Variants in ELF2 observed in about 807,000 individuals in gnomAD.
ELF2 encodes the protein E74 like ETS transcription factor 2.
ELF2 carries 11 observed loss-of-function variants against 54.8 expected under a neutral mutation model. That is an observed-to-expected ratio of 0.20 (90% CI 0.13 to 0.33). The LOEUF is 0.33. ELF2 is among the 10% of genes least tolerant of loss of function. The pLI is 1.00. For synonymous variants in ELF2, 203 were observed against 245.1 expected (o/e 0.83, Z 1.61); for missense variants, 513 against 703.0 (o/e 0.73, Z 3.06).
Position 139,068,881 on chromosome 4 carries a change from C to CTTTT in ELF2, c.527-1115_527-1112dup, listed in dbSNP as rs531534019. On this transcript the variant is annotated intron_variant, in intron 6 of 9. Transcript: ENST00000686138. Reference sequence around the variant, plus strand: ...ATATACACACACATAAATACATACACTTTTTTTTTTTTTAAGAGATGGAGT... The same window carrying CTTTT: ...ATATACACACACATAAATACATACACTTTTTTTTTTTTTTTTTAAGAGATGGAGT... 2.1e-5 allele frequency among the ~76,000 whole-genome samples: 3 copies of CTTTT among 145,780 alleles called. No individual in the cohort carries two copies. In the Admixed American group the frequency reaches 2.1e-4, roughly 10 times the overall value.
chr4:139,067,576 AG>A, intron 7 of ELF2, 107 bp downstream of exon 7: 1 of 1,114,090 alleles, frequency 9.0e-7, no homozygotes, highest in Non-Finnish European at 1.3e-6. Flanking sequence ...TACCAGCGAC[AG>A]TATTCTCATA....
intron 1 of ELF2, among the ~76,000 whole-genome samples, chr4:139,160,034 A>T (rs2148898884): frequency 6.6e-6 from 1 of 152,290 alleles, no homozygotes; most frequent in Non-Finnish European, 1.5e-5. Flanking sequence ...TAGATGTGGA[A>T]GATACTATAG....
chr4:139,143,852 C>T lies in ELF2; in HGVS notation c.-251-4355G>A, dbSNP rs958854198. On this transcript the variant is annotated intron_variant, in intron 1 of 9. Transcript: ENST00000686138. The stretch of plus-strand genomic sequence containing the variant: ...ATATATGAAAAAATGTGGAAAGTGA[C>T]CACACATGCCCAGGCTCAGAAAAGA... Among the ~76,000 whole-genome samples the T allele has an allele frequency of 1.2e-4, 19 of 152,092 alleles. 1 individual carries two copies. In the South Asian group the frequency reaches 1.7e-3, roughly 13 times the overall value.
intron 1 of ELF2, among the ~76,000 whole-genome samples, chr4:139,161,371 G>C (rs1452806816): frequency 6.6e-6 from 1 of 152,098 alleles, no homozygotes; most frequent in Non-Finnish European, 1.5e-5. Flanking sequence ...AGGGTGTCAT[G>C]ATTGACACAG....
At chr4:139,072,130 T>A in intron 5 of ELF2, 91 bp from the exon 6 acceptor site, 1 of 1,281,500 alleles carries the variant, frequency 7.8e-7, no homozygotes, top group Non-Finnish European at 1.1e-6. Context: ...CGAGGTGTGT[T>A]AAGAATTAAT....
At chr4:139,146,921 T>C (rs1444862781) in intron 1 of ELF2, among the ~76,000 whole-genome samples, 1 of 151,992 alleles carries the variant, frequency 6.6e-6, no homozygotes, top group African/African-American at 2.4e-5. Flanking sequence ...ACCATAAAAG[T>C]CCTAGAAGAT....
intron 4 of ELF2, among the ~76,000 whole-genome samples, chr4:139,077,418 A>G (rs1466696710): frequency 6.6e-6 from 1 of 152,228 alleles, no homozygotes; most frequent in African/African-American, 2.4e-5. Flanking sequence ...AACACTGATT[A>G]CTTTTTTACT....
At position 139,062,138 on chromosome 4, in the gene ELF2, A is replaced by G. The variant is rs919455925; in HGVS notation, c.614-81T>C. 50 of 1,336,588 alleles carry G rather than the reference A, an allele frequency of 3.7e-5. No homozygotes were observed. In the African/African-American group the frequency reaches 6.1e-4, roughly 16 times the overall value. The allele number at this position is 1,336,588 out of a possible 1,614,324, so 82.8% of individuals were successfully genotyped here. A position where few individuals can be genotyped will look rare whatever the true frequency, so the allele number is the denominator to read the frequency against. ...ATTAAAAGCAAATAAAGTGTCCTTCATTGTATCATAAAAATCCTGAATATA... is the reference window on the plus strand; with the variant it reads ...ATTAAAAGCAAATAAAGTGTCCTTCGTTGTATCATAAAAATCCTGAATATA... On this transcript the variant is annotated intron_variant, in intron 7 of 9. Transcript: ENST00000686138.
At chr4:139,156,255 A>G (rs1578949924) in intron 1 of ELF2, among the ~76,000 whole-genome samples, 1 of 152,064 alleles carries the variant, frequency 6.6e-6, no homozygotes, top group East Asian at 1.9e-4. Context: ...AGCTCACCGC[A>G]AGCTCCGCCT....
At chr4:139,172,801 G>GA (rs1742440973) in intron 1 of ELF2, among the ~76,000 whole-genome samples, 1 of 127,224 alleles carries the variant, frequency 7.9e-6, no homozygotes, top group South Asian at 2.4e-4. Flanking sequence ...TACAGATACA[G>GA]AAAAAAATAA....
intron 4 of ELF2, chr4:139,084,423 G>A (rs1578746619): frequency 2.9e-5 from 37 of 1,278,820 alleles, no homozygotes; most frequent in Non-Finnish European, 3.7e-5. Flanking sequence ...GCAGGGGCAG[G>A]GGCGGCAGGG....
In ELF2 at chr4:139,148,799, G is replaced by A. The variant is rs560278968; in HGVS notation, c.-251-9302C>T. Among the ~76,000 whole-genome samples the A allele has an allele frequency of 1.2e-4, 18 of 152,174 alleles. 1 individual carries two copies. The highest frequency in any genetic ancestry group is 3.1e-4 in the African/African-American group (13 of 41,514). ...GTAACTGTATGTTTAACATTTTGAG[G>A]AAATGACAAGCTTTTCCAAAGTGGC... On this transcript the variant is annotated intron_variant, in intron 1 of 9. Coordinates refer to ENST00000686138, the MANE Select transcript of ELF2 (RefSeq NM_001331036.3).
intron 4 of ELF2, among the ~76,000 whole-genome samples, chr4:139,077,861 A>AC (rs1363014740): frequency 6.6e-6 from 1 of 151,792 alleles, no homozygotes; most frequent in Non-Finnish European, 1.5e-5. Flanking sequence ...TATAGAAGGA[A>AC]AAATAAATAA....
intron 1 of ELF2, among the ~76,000 whole-genome samples, chr4:139,155,798 T>C (rs922895555): frequency 3.3e-5 from 5 of 152,318 alleles, no homozygotes; most frequent in South Asian, 4.1e-4. Flanking sequence ...GTAAGGACTA[T>C]ATAGTTTTTA....
chr4:139,115,052 C>A (rs546593310), intron 4 of ELF2: 9 of 1,613,968 alleles, frequency 5.6e-6, no homozygotes, highest in South Asian at 1.1e-5. Context: ...GCAGCCCGGG[C>A]ATCGTCACTC....
intron 4 of ELF2, among the ~76,000 whole-genome samples, chr4:139,121,366 C>T (rs1213390095): frequency 1.3e-5 from 2 of 151,890 alleles, no homozygotes; most frequent in Non-Finnish European, 2.9e-5. Context: ...CCTTGGCCTC[C>T]GAAAGTGCTG....
chr4:139,076,808 T>C (rs1306731508), intron 4 of ELF2, among the ~76,000 whole-genome samples: 1 of 152,134 alleles, frequency 6.6e-6, no homozygotes, highest in Non-Finnish European at 1.5e-5. Context: ...TCAATGGAAA[T>C]TACTTCTTCA....
chr4:139,176,451 C>T (rs1401185563), intron 1 of ELF2, among the ~76,000 whole-genome samples: 2 of 152,012 alleles, frequency 1.3e-5, no homozygotes, highest in African/African-American at 4.8e-5. Flanking sequence ...AGGTCCCGCC[C>T]CGAGCTCGCC....
chr4:139,059,718 A>C, intron 9 of ELF2, 111 bp from the exon 10 acceptor site: 9 of 1,287,942 alleles, frequency 7.0e-6, no homozygotes, highest in Non-Finnish European at 9.6e-6. Context: ...AGTGCTCCCA[A>C]ATTTTACAGA....
Sources: allele counts gnomAD v4.1 joint callset (sites outside exome capture counted in the v4.1 genomes callset), GRCh38; gene constraint gnomAD v4.1.1; transcripts MANE v1.5; gene names NCBI Gene and HGNC (gene_info 2026-07-23, HGNC 2026-07-21).